Variants in DISC1 observed in about 807,000 individuals in gnomAD.
DISC1 encodes disrupted in schizophrenia 1 protein.
DISC1 carries 57 observed loss-of-function variants against 84.5 expected under a neutral mutation model. That is an observed-to-expected ratio of 0.67 (90% CI 0.55 to 0.84). DISC1 has a LOEUF of 0.84. DISC1 is among the 40% of genes least tolerant of loss of function. DISC1 has a pLI of 0.00. For synonymous variants in DISC1, 411 were observed against 415.2 expected, an observed-to-expected ratio of 0.99 and a Z score of 0.12; for missense variants, 1,000 against 1,057.8, an observed-to-expected ratio of 0.95 and a Z score of 0.76.
intron 8 of DISC1, among the ~76,000 whole-genome samples, chr1:231,806,836 C>T (rs1008843297): frequency 8.5e-5 from 13 of 152,258 alleles, no homozygotes; most frequent in Non-Finnish European, 1.3e-4. Flanking sequence ...TGGGGCAGAG[C>T]GAAGGGAAAG....
intron 4 of DISC1, among the ~76,000 whole-genome samples, chr1:231,757,870 C>T (rs1007653337): frequency 2.0e-5 from 3 of 152,082 alleles, no homozygotes; most frequent in African/African-American, 7.2e-5. Context: ...TGCCCTGTGT[C>T]CCAATCCCTC....
At chr1:231,672,509 G>A (rs2062725390) in intron 1 of DISC1, among the ~76,000 whole-genome samples, 1 of 152,142 alleles carries the variant, frequency 6.6e-6, no homozygotes, top group African/African-American at 2.4e-5. Flanking sequence ...GCACTTCCCT[G>A]CCTGGTTGAC....
intron 9 of DISC1, among the ~76,000 whole-genome samples, chr1:231,853,622 AG>A (rs1206227640): frequency 6.6e-6 from 1 of 152,172 alleles, no homozygotes; most frequent in Non-Finnish European, 1.5e-5. Context: ...CCGAACTGAG[AG>A]GGTGGAATGG....
intron 10 of DISC1, among the ~76,000 whole-genome samples, chr1:232,002,204 A>G (rs1256645524): frequency 6.6e-6 from 1 of 151,154 alleles, no homozygotes; most frequent in Non-Finnish European, 1.5e-5. Context: ...AGAATGGCAA[A>G]AACAAAAAAA....
chr1:231,912,454 C>T (rs1278371440), intron 9 of DISC1, among the ~76,000 whole-genome samples: 1 of 152,176 alleles, frequency 6.6e-6, no homozygotes, highest in Non-Finnish European at 1.5e-5. Flanking sequence ...CACTCCAGAC[C>T]CTGTTTACCT....
rs2066487480 is a variant in DISC1, at chr1:231,702,018, G to C, written c.1111G>C (p.Asp371His). The change falls in exon 3 of 13, where the codon GAT becomes CAT. Residue 371 changes from aspartate to histidine, a missense_variant. Coordinates refer to ENST00000439617, the MANE Select transcript of DISC1 (RefSeq NM_018662.3). ...AGATGCAGTTGAGAATGATGATTAT[G>C]ATAAAGGTGAGTTTTAATTTGTTTA... is the stretch of plus-strand genomic sequence containing the variant. ...QEDAVENDDYDKAETLQQRLE... is the reference protein window; with the variant it reads ...QEDAVENDDYHKAETLQQRLE... 1 of 1,604,222 alleles carries C rather than the reference G, an allele frequency of 6.2e-7. No individual in the cohort carries two copies. Among genetic ancestry groups the C allele is most frequent in the African/African-American group, 1.3e-5 (1 of 74,518 alleles).
At chr1:231,821,481 A>G (rs187537749) in intron 9 of DISC1, among the ~76,000 whole-genome samples, 2 of 152,316 alleles carry the variant, frequency 1.3e-5, no homozygotes, top group East Asian at 3.9e-4. Flanking sequence ...GATGATAAAG[A>G]AGTGTGCTTT....
intron 9 of DISC1, among the ~76,000 whole-genome samples, chr1:231,838,699 A>G (rs2082805098): frequency 6.6e-6 from 1 of 152,208 alleles, no homozygotes. Flanking sequence ...CAAGAGTTAC[A>G]TGTAAGTTTG....
intron 1 of DISC1, among the ~76,000 whole-genome samples, chr1:231,651,261 C>T (rs1439834349): frequency 1.2e-4 from 19 of 152,088 alleles, no homozygotes; most frequent in Non-Finnish European, 2.8e-4. Flanking sequence ...TGTGGATGTC[C>T]TTTTTGTTGA....
intron 9 of DISC1, among the ~76,000 whole-genome samples, chr1:231,868,412 T>G (rs989431605): frequency 1.5e-4 from 23 of 152,258 alleles, no homozygotes; most frequent in South Asian, 2.1e-4. Flanking sequence ...TTCAAGGCCA[T>G]TGTCATGGAA....
chr1:231,846,997 C>G (rs1357740536), intron 9 of DISC1, among the ~76,000 whole-genome samples: 1 of 152,206 alleles, frequency 6.6e-6, no homozygotes, highest in Non-Finnish European at 1.5e-5. Flanking sequence ...GCTGTTTTCT[C>G]TGTTATTATA....
intron 9 of DISC1, among the ~76,000 whole-genome samples, chr1:231,912,785 CTT>C (rs1428881270): frequency 1.4e-5 from 2 of 144,336 alleles, no homozygotes; most frequent in African/African-American, 5.1e-5. Flanking sequence ...TTCTTTCTTT[CTT>C]TCTTTCTTTC....
chr1:231,713,143 A>G (rs1034543408), intron 3 of DISC1, among the ~76,000 whole-genome samples: 15 of 152,206 alleles, frequency 9.9e-5, no homozygotes, highest in Non-Finnish European at 2.1e-4. Flanking sequence ...TATTATAGCC[A>G]TCAAAAATAA....
At chr1:231,801,355 A>T (rs1362117029) in intron 8 of DISC1, among the ~76,000 whole-genome samples, 1 of 152,202 alleles carries the variant, frequency 6.6e-6, no homozygotes, top group Non-Finnish European at 1.5e-5. Flanking sequence ...TATCTTTCCC[A>T]GGAATACCGG....
intron 3 of DISC1, among the ~76,000 whole-genome samples, chr1:231,711,899 C>T (rs1437214000): frequency 1.3e-5 from 2 of 152,178 alleles, no homozygotes; most frequent in Non-Finnish European, 1.5e-5. Context: ...ACATCCTACT[C>T]CTTGGAACCT....
chr1:231,767,302 T>C (rs1364245752), intron 5 of DISC1, 33 bp downstream of exon 5: 1 of 1,613,662 alleles, frequency 6.2e-7, no homozygotes. Flanking sequence ...AGAAATATGA[T>C]GGCATTTTTC....
At chr1:231,739,857 G>A (rs2073018714) in intron 3 of DISC1, among the ~76,000 whole-genome samples, 1 of 152,172 alleles carries the variant, frequency 6.6e-6, no homozygotes. Context: ...GCCAATCTGG[G>A]TAAAGCTTCC....
chr1:232,015,378 A>G (rs940031561), intron 11 of DISC1, among the ~76,000 whole-genome samples: 2 of 152,000 alleles, frequency 1.3e-5, no homozygotes, highest in African/African-American at 4.8e-5. Context: ...ATTCCTTGTC[A>G]TTCACTGGTG....
chr1:231,948,364 C>G (rs557193749), intron 9 of DISC1, among the ~76,000 whole-genome samples: 1 of 152,202 alleles, frequency 6.6e-6, no homozygotes, highest in Admixed American at 6.5e-5. Flanking sequence ...AACAGAAAAC[C>G]AAACACCACA....
Sources: allele counts gnomAD v4.1 joint callset (sites outside exome capture counted in the v4.1 genomes callset), GRCh38; gene constraint gnomAD v4.1.1; transcripts MANE v1.5; gene names NCBI Gene and HGNC (gene_info 2026-07-23, HGNC 2026-07-21).